The following USP10 variants were observed in gnomAD, a reference collection of about 807,000 sequenced individuals.
The protein encoded by USP10 is ubiquitin carboxyl-terminal hydrolase 10.
Under a neutral mutation model 84.5 loss-of-function variants are expected in USP10, and 22 were observed. That is an observed-to-expected ratio of 0.26 (90% CI 0.19 to 0.37). The LOEUF (loss-of-function observed/expected upper bound fraction) is 0.37. Among genes scored for constraint, USP10 ranks in the 10% least tolerant of loss-of-function variants. The pLI is 1.00. For missense variants in USP10, 1,019 were observed against 998.9 expected (o/e 1.02, Z -0.27); for synonymous variants, 454 against 387.6 (o/e 1.17, Z -2.01).
chr16:84,771,011 C>T (rs961070947), intron 11 of USP10, among the ~76,000 whole-genome samples: 13 of 149,906 alleles, frequency 8.7e-5, no homozygotes, highest in Non-Finnish European at 1.6e-4. Flanking sequence ...GAGCTGAGAT[C>T]GCACCACTGC....
At position 84,772,116 on chromosome 16, in the gene USP10, A is replaced by T. The variant is rs942463192; in HGVS notation, c.1999-425A>T. Among the ~76,000 whole-genome samples the T allele has an allele frequency of 4.7e-4, 72 of 151,800 alleles. 1 individual carries two copies. The highest frequency in any genetic ancestry group is 2.1e-4 in the South Asian group (1 of 4,794). On this transcript the variant is annotated intron_variant, in intron 11 of 13. Coordinates refer to ENST00000219473, the MANE Select transcript of USP10 (RefSeq NM_005153.3). ...GCCCAGGCTGGGGTACAGTGGCGCG[A>T]ACTTAGCTCACTGCAACGTCTACCT...
chr16:84,760,372 C>A, intron 8 of USP10, 97 bp downstream of exon 8: 1 of 1,070,628 alleles, frequency 9.3e-7, no homozygotes, highest in Non-Finnish European at 1.4e-6. Flanking sequence ...CCTCTGTCTC[C>A]AGCGCTATAA....
chr16:84,725,703 C>G (rs1027306256), intron 1 of USP10, among the ~76,000 whole-genome samples: 1 of 152,202 alleles, frequency 6.6e-6, no homozygotes, highest in African/African-American at 2.4e-5. Flanking sequence ...CGTGCCCGGC[C>G]TGTCTGACGA....
At chr16:84,778,792 G>A (rs149860427) in intron 13 of USP10, 103 bp from the exon 14 acceptor site, 1 of 1,183,034 alleles carries the variant, frequency 8.5e-7, no homozygotes, top group African/African-American at 1.5e-5. Context: ...TTGGAGAGGG[G>A]TTTTACACAT....
intron 1 of USP10, among the ~76,000 whole-genome samples, chr16:84,701,486 AG>A (rs1904851777): frequency 6.6e-6 from 1 of 152,208 alleles, no homozygotes; most frequent in Admixed American, 6.5e-5. Context: ...TTAAAAAAAA[AG>A]ATTTGATATT....
At chr16:84,738,733 G>T (rs768437599) in intron 2 of USP10, among the ~76,000 whole-genome samples, 1 of 152,206 alleles carries the variant, frequency 6.6e-6, no homozygotes, top group African/African-American at 2.4e-5. Context: ...GTGTTTTCCT[G>T]TTTGTCATAA....
Position 84,757,405 on chromosome 16 carries a change from GTGTGTGT to G in USP10, c.1193-1310_1193-1304del, listed in dbSNP as rs1912706178. On this transcript the variant is annotated intron_variant, in intron 4 of 13. Transcript: ENST00000219473. ...AGGAGGGAATGAGAGGGGTGGGGGTGTGTGTGTGTGTGTGTGTGTGTGTGTGTGTGTG... is the reference window on the plus strand; with the variant it reads ...AGGAGGGAATGAGAGGGGTGGGGGTGGTGTGTGTGTGTGTGTGTGTGTGTG... 5.3e-4 allele frequency among the ~76,000 whole-genome samples: 21 copies of G among 39,740 alleles called. No individual in the cohort carries two copies. In the East Asian group the frequency reaches 6.1e-3, roughly 12 times the overall value. The allele number at this position is 39,740 out of a possible 152,430, so 26.1% of individuals were successfully genotyped here.
chr16:84,740,253 A>G, intron 2 of USP10, 56 bp from the exon 3 acceptor site: 2 of 1,496,468 alleles, frequency 1.3e-6, no homozygotes, highest in East Asian at 2.3e-5. Flanking sequence ...TTAAATGGTA[A>G]GCGTTGGTTT....
At chr16:84,753,489 T>TTA (rs1264155754) in intron 4 of USP10, among the ~76,000 whole-genome samples, 1 of 152,212 alleles carries the variant, frequency 6.6e-6, no homozygotes, top group African/African-American at 2.4e-5. Context: ...AGTGGTCTGC[T>TTA]TATGTATTTA....
In USP10 at chr16:84,759,898, C is replaced by T; in HGVS notation, c.1402C>T (p.Leu468=). The part of the protein sequence containing the change: ...STPMIDSFVR[L]MNEFTNMPVP... ...TTTTTTCCCCATGTTTAGTGTTCGG[C>T]TAATGAATGAGTTCACTAATATGCC... is the stretch of plus-strand genomic sequence containing the variant. The change falls in exon 7 of 14, where the codon CTA becomes TTA. Residue 468 remains leucine (L), a synonymous_variant. Coordinates refer to ENST00000219473, the MANE Select transcript of USP10 (RefSeq NM_005153.3). The T allele has an allele frequency of 6.2e-7, 1 of 1,613,914 alleles. No homozygotes were observed. Among genetic ancestry groups the T allele is most frequent in the Non-Finnish European group, 8.5e-7 (1 of 1,179,866 alleles).
chr16:84,740,567 A>G (rs74032675), intron 3 of USP10, among the ~76,000 whole-genome samples, 198 bp downstream of exon 3: 10,901 of 152,314 alleles, frequency 0.072, 434 homozygotes, highest in Non-Finnish European at 0.079. Flanking sequence ...TGTGCTTCGG[A>G]GTGCCAGCCA....
intron 13 of USP10, 127 bp from the exon 14 acceptor site, chr16:84,778,768 C>G: frequency 1.1e-6 from 1 of 881,006 alleles, no homozygotes. Context: ...TGACATCTCT[C>G]TGTCCCACCT....
At chr16:84,732,528 C>T (rs1039330178) in intron 1 of USP10, 3 of 378,100 alleles carry the variant, frequency 7.9e-6, no homozygotes, top group African/African-American at 2.3e-5. Flanking sequence ...CTCACTGCAA[C>T]CTCGGCCTCC....
chr16:84,705,860 C>G (rs1033141025), intron 1 of USP10, among the ~76,000 whole-genome samples: 1 of 151,278 alleles, frequency 6.6e-6, no homozygotes, highest in African/African-American at 2.4e-5. Context: ...GCTGGGATTA[C>G]AGGTGCCTGC....
At chr16:84,774,486 T>A (rs1914773860) in intron 12 of USP10, among the ~76,000 whole-genome samples, 1 of 151,296 alleles carries the variant, frequency 6.6e-6, no homozygotes, top group Non-Finnish European at 1.5e-5. Context: ...TTTTTTTGTT[T>A]GTTTGTTTTT....
At chr16:84,736,480 G>C (rs1909950880) in intron 2 of USP10, among the ~76,000 whole-genome samples, 1 of 152,202 alleles carries the variant, frequency 6.6e-6, no homozygotes, top group South Asian at 2.1e-4. Flanking sequence ...GTGAAAGGTA[G>C]CTGGCATCTT....
chr16:84,738,711 T>A (rs577347999), intron 2 of USP10, among the ~76,000 whole-genome samples: 1 of 152,332 alleles, frequency 6.6e-6, no homozygotes, highest in Non-Finnish European at 1.5e-5. Context: ...TTGGCTTCTT[T>A]TGAATTGCCC....
intron 13 of USP10, among the ~76,000 whole-genome samples, chr16:84,775,855 C>G (rs1914956316): frequency 6.6e-6 from 1 of 151,068 alleles, no homozygotes; most frequent in Non-Finnish European, 1.5e-5. Context: ...TTTCTGCCTT[C>G]CCTTTTATCC....
intron 1 of USP10, among the ~76,000 whole-genome samples, chr16:84,717,467 C>G (rs973156557): frequency 3.3e-5 from 5 of 152,198 alleles, no homozygotes; most frequent in African/African-American, 7.2e-5. Context: ...GGACACATTG[C>G]TTAAACATTT....
Sources: gnomAD v4.1 joint callset for allele counts (sites outside exome capture counted in the v4.1 genomes callset) on GRCh38, gnomAD v4.1.1 for gene constraint, MANE v1.5 for transcripts, NCBI Gene and HGNC (gene_info 2026-07-23, HGNC 2026-07-21) for gene names.